The following MAP3K14 variants were observed in gnomAD, a reference collection of about 807,000 sequenced individuals.
MAP3K14 encodes the protein NF-kappa-beta-inducing kinase.
A neutral mutation model predicts 99.2 loss-of-function variants in MAP3K14; 16 were observed. The ratio of observed to expected loss-of-function variants is 0.16; its 90% CI spans 0.11 to 0.24. The LOEUF (loss-of-function observed/expected upper bound fraction) is 0.24. Among genes scored for constraint, MAP3K14 ranks in the 10% least tolerant of loss-of-function variants. MAP3K14 has a pLI of 1.00. For missense variants in MAP3K14, 784 were observed against 1,208.7 expected (o/e 0.65, Z 5.21); for synonymous variants, 462 against 492.4 (o/e 0.94, Z 0.82).
intron 6 of MAP3K14, among the ~76,000 whole-genome samples, chr17:45,282,372 A>G (rs1218657893): frequency 1.3e-5 from 2 of 152,236 alleles, no homozygotes; most frequent in East Asian, 3.9e-4. Flanking sequence ...CCTGGGCAAC[A>G]TAGTGAGATC....
intron 2 of MAP3K14, 67 bp from the exon 3 acceptor site, chr17:45,289,372 C>T: frequency 1.5e-6 from 2 of 1,301,200 alleles, no homozygotes; most frequent in South Asian, 1.2e-5. Context: ...AGGGGAGAGA[C>T]ATTTTACAGA....
At chr17:45,297,582 C>T (rs2044355107) in intron 1 of MAP3K14, among the ~76,000 whole-genome samples, 1 of 152,062 alleles carries the variant, frequency 6.6e-6, no homozygotes, top group Non-Finnish European at 1.5e-5. Flanking sequence ...ACTGCCTTCA[C>T]TGAAAGAACC....
intron 8 of MAP3K14, 84 bp downstream of exon 8, chr17:45,274,039 T>C: frequency 6.6e-7 from 1 of 1,514,470 alleles, no homozygotes; most frequent in Admixed American, 1.9e-5. Flanking sequence ...ATGACCAGGC[T>C]AGCCCAGAAC....
At chr17:45,276,746 C>T (rs1284987178) in intron 6 of MAP3K14, among the ~76,000 whole-genome samples, 1 of 151,316 alleles carries the variant, frequency 6.6e-6, no homozygotes, top group Non-Finnish European at 1.5e-5. Context: ...CTCCTGACCT[C>T]AGGTGATCCG....
At position 45,267,286 on chromosome 17, in the gene MAP3K14, C is replaced by T; in HGVS notation, c.2327-88G>A. The T allele has an allele frequency of 7.2e-7, 1 of 1,391,650 alleles. No individual in the cohort carries two copies. Among genetic ancestry groups the T allele is most frequent in the Admixed American group, 2.0e-5 (1 of 50,606 alleles). 86.2% of individuals were successfully genotyped at this position (1,391,650 alleles called of 1,614,324 possible). On this transcript the variant is annotated intron_variant, in intron 12 of 15. Transcript: ENST00000344686. This position sits in a 1 kb window ranked among gnomAD's most constrained non-coding sequence, Gnocchi z 5.1. ...GTTCTTCCTGCACAGTCGGTAGAAG[C>T]TGAGCTGCTGGGGAAGGGGCTGGAA...
rs2044064958 is a variant in MAP3K14 at position 45,265,084 on chromosome 17, A to G, written c.2679+79T>C. 37 of 1,200,888 alleles carry G rather than the reference A, an allele frequency of 3.1e-5. 1 individual carries two copies. The South Asian group carries it at 4.5e-4, about 15-fold the overall frequency. The allele number at this position is 1,200,888 out of a possible 1,614,324, so 74.4% of individuals were successfully genotyped here. On this transcript the variant is annotated intron_variant, in intron 15 of 15. Coordinates refer to ENST00000344686, the MANE Select transcript of MAP3K14 (RefSeq NM_003954.5). ...CTAGAGTGCCATTCTACTTCTTTGA[A>G]AGCTTTCCTCCTGGAGGGTGGGGCC...
intron 1 of MAP3K14, among the ~76,000 whole-genome samples, chr17:45,294,562 G>A (rs982540760): frequency 7.2e-5 from 11 of 152,184 alleles, no homozygotes; most frequent in African/African-American, 2.2e-4. Context: ...AATCAGGGCC[G>A]GGCTAAATGC....
At chr17:45,303,514 T>C (rs978726663) in intron 1 of MAP3K14, among the ~76,000 whole-genome samples, 21 of 152,128 alleles carry the variant, frequency 1.4e-4, no homozygotes, top group Admixed American at 7.9e-4. Context: ...TGAGCCGAGA[T>C]TGCACCACTG....
At chr17:45,296,663 T>C (rs922542654) in intron 1 of MAP3K14, among the ~76,000 whole-genome samples, 3 of 152,216 alleles carry the variant, frequency 2.0e-5, no homozygotes, top group Non-Finnish European at 4.4e-5. Flanking sequence ...CTCCCCTTTC[T>C]ACCCTTTCTG....
chr17:45,290,851 AG>A, intron 1 of MAP3K14, 86 bp from the exon 2 acceptor site: 1 of 1,319,804 alleles, frequency 7.6e-7, no homozygotes, highest in Non-Finnish European at 1.0e-6. Flanking sequence ...GGAGAAAGGC[AG>A]GGGCAAAGGG....
intron 1 of MAP3K14, among the ~76,000 whole-genome samples, chr17:45,309,943 C>T (rs2044459970): frequency 6.6e-6 from 1 of 151,808 alleles, no homozygotes; most frequent in African/African-American, 2.4e-5. Flanking sequence ...CCTCTCCAGG[C>T]ACAGCATCTG....
At position 45,271,184 on chromosome 17, in the gene MAP3K14, C is replaced by T. The variant is rs371866775; in HGVS notation, c.1695G>A (p.Pro565=). The T allele has an allele frequency of 2.5e-5, 40 of 1,612,934 alleles. No individual in the cohort carries two copies. The East Asian group carries it at 3.6e-4, about 14-fold the overall frequency. The change falls in exon 10 of 16, where the codon CCG becomes CCA. Residue 565 remains proline, a synonymous_variant. Coordinates refer to ENST00000344686, the MANE Select transcript of MAP3K14 (RefSeq NM_003954.5). The part of the protein sequence containing the change: ...YIPGTETHMA[P]EVVLGRSCDA... ...CGCAGCTCCTGCCCAGCACCACCTC[C>T]GGAGCCATGTGGGTCTCTGTGCCAG... is the stretch of plus-strand genomic sequence containing the variant.
At chr17:45,309,296 A>G (rs1217930910) in intron 1 of MAP3K14, among the ~76,000 whole-genome samples, 2 of 152,208 alleles carry the variant, frequency 1.3e-5, no homozygotes, top group East Asian at 3.8e-4. Context: ...AGAATCCGAG[A>G]CGCTCTACGC....
At chr17:45,316,630 A>C (rs1305841856) in intron 1 of MAP3K14, among the ~76,000 whole-genome samples, 2 of 152,164 alleles carry the variant, frequency 1.3e-5, no homozygotes, top group Non-Finnish European at 2.9e-5. Flanking sequence ...GGCGCAGAGC[A>C]GGCGGGCGGG....
chr17:45,268,082 A>T lies in MAP3K14; in HGVS notation c.1973-323T>A, dbSNP rs2044110342. 3 of 266,626 alleles carry T rather than the reference A, an allele frequency of 1.1e-5. No individual in the cohort carries two copies. In the South Asian group the frequency reaches 1.4e-4, roughly 12 times the overall value. The allele number at this position is 266,626 out of a possible 1,614,324, so 16.5% of individuals were successfully genotyped here. A position where few individuals can be genotyped will look rare whatever the true frequency, so the allele number is the denominator to read the frequency against. ...GTTAACAAGAAAGAGAAGATTGAAA[A>T]CAGCCCTGGGGCTACACCAACTCAA... On this transcript the variant is annotated intron_variant, in intron 11 of 15. Coordinates refer to ENST00000344686, the MANE Select transcript of MAP3K14 (RefSeq NM_003954.5).
chr17:45,314,621 A>T (rs2044514337), intron 1 of MAP3K14, among the ~76,000 whole-genome samples: 2 of 149,994 alleles, frequency 1.3e-5, no homozygotes, highest in Non-Finnish European at 3.0e-5. Context: ...TTTGCCAGGA[A>T]AAAAAAAAAA....
At chr17:45,312,837 T>C (rs1022239658) in intron 1 of MAP3K14, among the ~76,000 whole-genome samples, 3 of 152,202 alleles carry the variant, frequency 2.0e-5, no homozygotes, top group African/African-American at 7.2e-5. Context: ...GGGGATGCCA[T>C]GTGGTAGTGG....
rs555923421 is a variant in MAP3K14, at chr17:45,304,341, G to T, written c.-21+12619C>A. 3.3e-5 allele frequency among the ~76,000 whole-genome samples: 5 copies of T among 152,188 alleles called. No individual in the cohort carries two copies. The South Asian group carries it at 1.0e-3, about 32-fold the overall frequency. On this transcript the variant is annotated intron_variant, in intron 1 of 15. Coordinates refer to ENST00000344686, the MANE Select transcript of MAP3K14 (RefSeq NM_003954.5). ...TTTTTAAGGCTTCATAAGATTGGAA[G>T]GTACAGATGTATCATCATTTTCCCA...
chr17:45,314,460 A>G (rs1416281035), intron 1 of MAP3K14, among the ~76,000 whole-genome samples: 6 of 152,158 alleles, frequency 3.9e-5, no homozygotes, highest in African/African-American at 1.4e-4. Flanking sequence ...CGGCCCACCA[A>G]TTTCACACTG....
Sources: allele counts gnomAD v4.1 joint callset (sites outside exome capture counted in the v4.1 genomes callset), GRCh38; gene constraint gnomAD v4.1.1; non-coding constraint Gnocchi (gnomAD v3.1); transcripts MANE v1.5; gene names NCBI Gene and HGNC (gene_info 2026-07-23, HGNC 2026-07-21).